Variants in VCL observed in about 807,000 individuals in gnomAD.
VCL encodes vinculin.
In VCL, 47 loss-of-function variants were observed where a neutral mutation model predicts 125.7. The ratio of observed to expected loss-of-function variants is 0.37; its 90% CI spans 0.30 to 0.48. The LOEUF is 0.48. VCL is among the 20% of genes least tolerant of loss of function. VCL has a pLI of 0.99. For synonymous variants in VCL, 458 were observed against 514.6 expected (o/e 0.89, Z 1.49); for missense variants, 1,069 against 1,455.5 (o/e 0.73, Z 4.32).
chr10:74,066,062 T>TATATATATATATATA (rs1491467672), intron 2 of VCL, among the ~76,000 whole-genome samples: 7 of 124,664 alleles, frequency 5.6e-5, no homozygotes, highest in South Asian at 2.6e-4. Context: ...TATATATATA[T>TATATATATATATATA]TTTTTTTTTT....
intron 1 of VCL, among the ~76,000 whole-genome samples, chr10:74,021,246 C>T (rs970125330): frequency 4.6e-5 from 7 of 152,102 alleles, no homozygotes; most frequent in Non-Finnish European, 8.8e-5. Flanking sequence ...TGGTTGTTAT[C>T]ATGAATTAGA....
chr10:74,084,836 T>G (rs956878423), intron 8 of VCL, among the ~76,000 whole-genome samples: 1 of 150,750 alleles, frequency 6.6e-6, no homozygotes, highest in African/African-American at 2.4e-5. Context: ...GGTCTCAAAC[T>G]TCCGGCCTCA....
chr10:74,089,973 G>T (rs1195517226), intron 9 of VCL, 50 bp from the exon 10 acceptor site: 3 of 1,609,878 alleles, frequency 1.9e-6, no homozygotes, highest in Non-Finnish European at 2.6e-6. Flanking sequence ...TTAGTAGAAA[G>T]GAGTGTGTGA....
At position 74,072,918 on chromosome 10, in the gene VCL, T is replaced by A. The variant is rs934241805; in HGVS notation, c.622+66T>A. 4.4e-6 allele frequency: 7 copies of A among 1,605,008 alleles called. No homozygotes were observed. In the African/African-American group the frequency reaches 9.4e-5, roughly 22 times the overall value. On this transcript the variant is annotated intron_variant, in intron 5 of 21. Transcript: ENST00000211998. ...GTTAGCATGTTCTAAACTCTGAGGT[T>A]CATTTTGTTTTCTTTTGTTTTCTTT...
At chr10:74,087,437 C>A (rs1359723059) in intron 8 of VCL, among the ~76,000 whole-genome samples, 8 of 148,456 alleles carry the variant, frequency 5.4e-5, no homozygotes, top group Admixed American at 5.3e-4. Context: ...GCTCTGCCTC[C>A]CGGGTTCACA....
intron 1 of VCL, among the ~76,000 whole-genome samples, chr10:74,014,979 G>A (rs1453940309): frequency 6.6e-6 from 1 of 152,134 alleles, no homozygotes; most frequent in Non-Finnish European, 1.5e-5. Flanking sequence ...GTGTCACCAT[G>A]CCCAGCAGCT....
intron 18 of VCL, among the ~76,000 whole-genome samples, chr10:74,110,016 A>G (rs1027085708): frequency 6.6e-6 from 1 of 152,034 alleles, no homozygotes; most frequent in Admixed American, 6.5e-5. Flanking sequence ...GACCTCCTGC[A>G]CCTGCAGCTG....
At chr10:74,000,853 A>G (rs1187473458) in intron 1 of VCL, among the ~76,000 whole-genome samples, 3 of 152,256 alleles carry the variant, frequency 2.0e-5, no homozygotes, top group Non-Finnish European at 4.4e-5. Flanking sequence ...GTTAAGTTAT[A>G]TACTTTCCAA....
intron 1 of VCL, among the ~76,000 whole-genome samples, chr10:74,031,839 C>T (rs1001040833): frequency 5.9e-5 from 9 of 151,668 alleles, no homozygotes; most frequent in African/African-American, 1.5e-4. Context: ...CCGAGGCGGG[C>T]GGATCACCTG....
intron 2 of VCL, among the ~76,000 whole-genome samples, chr10:74,045,398 G>A (rs1162317854): frequency 2.0e-5 from 3 of 151,602 alleles, no homozygotes; most frequent in African/African-American, 7.3e-5. Context: ...CAAGGCAGGT[G>A]GATCACTTGA....
chr10:74,002,894 AAAAG>A (rs1840254849), intron 1 of VCL, among the ~76,000 whole-genome samples: 2 of 151,338 alleles, frequency 1.3e-5, no homozygotes, highest in South Asian at 2.1e-4. Context: ...AAAAAAAAAA[AAAAG>A]AAAGACATTA....
intron 21 of VCL, among the ~76,000 whole-genome samples, chr10:74,115,277 G>A (rs1840294029): frequency 1.3e-5 from 2 of 151,972 alleles, no homozygotes; most frequent in East Asian, 3.9e-4. Context: ...GTGTGGTGGT[G>A]TGCACCTGTA....
chr10:74,006,181 C>T (rs543414321), intron 1 of VCL, among the ~76,000 whole-genome samples: 78 of 152,162 alleles, frequency 5.1e-4, no homozygotes, highest in Non-Finnish European at 9.7e-4. Flanking sequence ...CCACTGTGCC[C>T]GGCCTATTTT....
intron 2 of VCL, among the ~76,000 whole-genome samples, chr10:74,051,957 C>G (rs1000111573): frequency 3.3e-5 from 5 of 152,242 alleles, no homozygotes; most frequent in Admixed American, 6.5e-5. Flanking sequence ...CTAGAGGCAG[C>G]GTGCCCAGAG....
rs549329161 is a variant in VCL, at chr10:74,014,222, C to T, written c.168+15847C>T. 1.2e-3 allele frequency among the ~76,000 whole-genome samples: 176 copies of T among 152,046 alleles called. 1 individual carries two copies. Among genetic ancestry groups the T allele is most frequent in the African/African-American group, 4.1e-3 (172 of 41,524 alleles). On this transcript the variant is annotated intron_variant, in intron 1 of 21. Transcript: ENST00000211998. ...AAGCATTAATTGTCTTTTCTCTTTT[C>T]TTTTCTTTCTTTTCTGTTCTTTTTT...
Position 74,071,949 on chromosome 10 carries a change from T to G in VCL, c.500-781T>G, listed in dbSNP as rs1267825224. Among the ~76,000 whole-genome samples, 1 of 152,178 alleles carries G rather than the reference T, an allele frequency of 6.6e-6. No individual in the cohort carries two copies. ...AAATTATATTTCCCCAAATGGAATC[T>G]TATGCAGAATCCCCAAACAAAAAAA... On this transcript the variant is annotated intron_variant, in intron 4 of 21. Transcript: ENST00000211998. The surrounding 1 kb of genome is among the most constrained non-coding windows in gnomAD (Gnocchi z 4.1).
chr10:74,104,927 T>A, intron 15 of VCL, 124 bp from the exon 16 acceptor site: 1 of 1,119,348 alleles, frequency 8.9e-7, no homozygotes, highest in Non-Finnish European at 1.3e-6. Flanking sequence ...GTAGGAAGAG[T>A]TTGAGCTGAA....
intron 11 of VCL, 39 bp downstream of exon 11, chr10:74,094,500 C>A (rs1168193915): frequency 6.3e-7 from 1 of 1,597,458 alleles, no homozygotes; most frequent in East Asian, 2.2e-5. Flanking sequence ...TTAAATTGGT[C>A]TCAGTGCAAA....
chr10:74,017,046 CTTTT>C (rs549275362), intron 1 of VCL, among the ~76,000 whole-genome samples: 24 of 113,098 alleles, frequency 2.1e-4, no homozygotes, highest in Non-Finnish European at 2.9e-4. Context: ...AATTTCCTTC[CTTTT>C]TTTTTTTTTT....
Sources: allele counts gnomAD v4.1 joint callset (sites outside exome capture counted in the v4.1 genomes callset), GRCh38; gene constraint gnomAD v4.1.1; non-coding constraint Gnocchi (gnomAD v3.1); transcripts MANE v1.5; gene names NCBI Gene and HGNC (gene_info 2026-07-23, HGNC 2026-07-21).